The following NAV2 variants were observed in gnomAD, a reference collection of about 807,000 sequenced individuals.
NAV2 encodes neuron navigator 2, also known as helicase, APC down-regulated 1.
A neutral mutation model predicts 223.2 loss-of-function variants in NAV2; 54 were observed. That is an observed-to-expected ratio of 0.24 (90% CI 0.19 to 0.30). The LOEUF (loss-of-function observed/expected upper bound fraction) is 0.30. NAV2 is among the 10% of genes least tolerant of loss of function. The pLI, the probability that NAV2 is intolerant of heterozygous loss-of-function variation, is 1.00. For synonymous variants in NAV2, 1,279 were observed against 1,239.3 expected (o/e 1.03, Z -0.67); for missense variants, 2,806 against 3,147.5 (o/e 0.89, Z 2.60).
chr11:19,619,923 A>G (rs1176299910), intron 1 of NAV2, among the ~76,000 whole-genome samples: 9 of 152,136 alleles, frequency 5.9e-5, no homozygotes, highest in East Asian at 1.9e-4. Context: ...AATCCATCTT[A>G]AATTAATTTT....
chr11:20,001,663 C>T (rs925049690), intron 11 of NAV2, among the ~76,000 whole-genome samples: 6 of 132,414 alleles, frequency 4.5e-5, no homozygotes, highest in Non-Finnish European at 7.6e-5. Context: ...AATGAGAACA[C>T]TCGGACACAG....
intron 10 of NAV2, among the ~76,000 whole-genome samples, chr11:19,974,229 GT>G (rs557499343): frequency 6.5e-4 from 99 of 152,324 alleles, no homozygotes; most frequent in African/African-American, 2.2e-3. Flanking sequence ...ATTTCTCACA[GT>G]TTTGGCCTGA....
intron 11 of NAV2, among the ~76,000 whole-genome samples, chr11:19,991,298 G>A (rs2051308233): frequency 1.3e-5 from 2 of 151,766 alleles, no homozygotes; most frequent in African/African-American, 4.8e-5. Flanking sequence ...GCTAATTTTT[G>A]CATTTTTGTA....
At chr11:20,094,819 T>G (rs1441443046) in intron 29 of NAV2, among the ~76,000 whole-genome samples, 1 of 152,154 alleles carries the variant, frequency 6.6e-6, no homozygotes, top group Non-Finnish European at 1.5e-5. Flanking sequence ...TCTCTGCTGA[T>G]TTTGCTTAGC....
In NAV2 at chr11:19,998,347, T is replaced by C. The variant is rs1027097489; in HGVS notation, c.2768+14100T>C. 6.6e-5 allele frequency among the ~76,000 whole-genome samples: 10 copies of C among 151,878 alleles called. No individual in the cohort carries two copies. Among genetic ancestry groups the C allele is most frequent in the African/African-American group, 2.4e-4 (10 of 41,354 alleles). On this transcript the variant is annotated intron_variant, in intron 11 of 37. Transcript: ENST00000349880. The surrounding 1 kb of genome is among the most constrained non-coding windows in gnomAD (Gnocchi z 5.0). ...CATGGTGCAGGGGTCTAGGCTGCCG[T>C]CCTCTCTCATCTGAGCTCTCCCACT...
intron 1 of NAV2, among the ~76,000 whole-genome samples, chr11:19,588,693 C>T (rs1266184133): frequency 6.6e-6 from 1 of 152,104 alleles, no homozygotes; most frequent in Non-Finnish European, 1.5e-5. Flanking sequence ...GGTGGAAGAC[C>T]TGCTGGAAAA....
chr11:19,541,723 A>G (rs762316022), intron 1 of NAV2, among the ~76,000 whole-genome samples: 2 of 152,186 alleles, frequency 1.3e-5, no homozygotes, highest in African/African-American at 2.4e-5. Context: ...ATGACATGTC[A>G]TGGGGATTTG....
intron 1 of NAV2, among the ~76,000 whole-genome samples, chr11:19,417,854 G>A (rs544607581): frequency 6.6e-6 from 1 of 152,210 alleles, no homozygotes; most frequent in Non-Finnish European, 1.5e-5. Flanking sequence ...ATCATTCTTG[G>A]TAAACTAACA....
At chr11:20,103,179 C>G (rs2061760854) in intron 32 of NAV2, 76 bp from the exon 33 acceptor site, 2 of 1,445,600 alleles carry the variant, frequency 1.4e-6, no homozygotes, top group Non-Finnish European at 1.9e-6. Flanking sequence ...CTGGGTGAGG[C>G]AAAGGCCCTG....
At chr11:19,881,518 A>G (rs900736936) in intron 5 of NAV2, among the ~76,000 whole-genome samples, 2 of 151,994 alleles carry the variant, frequency 1.3e-5, no homozygotes, top group African/African-American at 4.8e-5. Flanking sequence ...CTGTGGGGGG[A>G]AAATATTGGG....
intron 16 of NAV2, among the ~76,000 whole-genome samples, 177 bp downstream of exon 16, chr11:20,050,078 A>G (rs2057828963): frequency 1.3e-5 from 2 of 152,188 alleles, no homozygotes; most frequent in South Asian, 4.1e-4. Flanking sequence ...TGTCTGCTAA[A>G]GCCCAGGGAG....
intron 1 of NAV2, among the ~76,000 whole-genome samples, chr11:19,392,850 G>A (rs930191302): frequency 6.6e-6 from 1 of 152,224 alleles, no homozygotes; most frequent in Non-Finnish European, 1.5e-5. Flanking sequence ...ACAGTTACAA[G>A]AGCAGCCTTA....
intron 1 of NAV2, among the ~76,000 whole-genome samples, chr11:19,677,505 G>C (rs1468770677): frequency 6.6e-6 from 1 of 152,220 alleles, no homozygotes; most frequent in African/African-American, 2.4e-5. Flanking sequence ...AGAGAGGGTC[G>C]GGCCTTGCCC....
intron 1 of NAV2, among the ~76,000 whole-genome samples, chr11:19,374,548 A>G (rs935555481): frequency 6.6e-6 from 1 of 152,214 alleles, no homozygotes; most frequent in Non-Finnish European, 1.5e-5. Flanking sequence ...TTGATACTTT[A>G]TGTTGCAATT....
At chr11:19,496,372 A>T (rs1424394172) in intron 1 of NAV2, among the ~76,000 whole-genome samples, 1 of 152,140 alleles carries the variant, frequency 6.6e-6, no homozygotes, top group African/African-American at 2.4e-5. Flanking sequence ...TGCATTCAAG[A>T]TGTTTTCTGG....
At chr11:19,535,839 A>G (rs529244411) in intron 1 of NAV2, among the ~76,000 whole-genome samples, 14 of 152,298 alleles carry the variant, frequency 9.2e-5, no homozygotes, top group African/African-American at 3.1e-4. Context: ...AAAGCACACA[A>G]TAAATGTGCC....
intron 1 of NAV2, among the ~76,000 whole-genome samples, chr11:19,665,428 C>G (rs1011042449): frequency 1.3e-5 from 2 of 152,170 alleles, no homozygotes; most frequent in African/African-American, 2.4e-5. Context: ...GAGCTCCTGA[C>G]AGCTCATGAG....
intron 19 of NAV2, among the ~76,000 whole-genome samples, chr11:20,059,618 G>A (rs1230821265): frequency 6.6e-6 from 1 of 152,064 alleles, no homozygotes. Context: ...TCAGAAACCA[G>A]TACAACAGAT....
At chr11:19,571,631 A>G (rs1192262040) in intron 1 of NAV2, among the ~76,000 whole-genome samples, 3 of 151,984 alleles carry the variant, frequency 2.0e-5, no homozygotes, top group African/African-American at 7.3e-5. Context: ...GCTTGAACCC[A>G]GGAGGTGGAG....
Sources: allele counts gnomAD v4.1 joint callset (sites outside exome capture counted in the v4.1 genomes callset), GRCh38; gene constraint gnomAD v4.1.1; non-coding constraint Gnocchi (gnomAD v3.1); transcripts MANE v1.5; gene names NCBI Gene and HGNC (gene_info 2026-07-23, HGNC 2026-07-21).